Variants in AGBL1 observed in about 807,000 individuals in gnomAD.
The protein encoded by AGBL1 is AGBL carboxypeptidase 1, also known as cytosolic carboxypeptidase 4.
Under a neutral mutation model 118.9 loss-of-function variants are expected in AGBL1, and 130 were observed. The ratio of observed to expected loss-of-function variants is 1.09; its 90% CI spans 0.95 to 1.26. The LOEUF (loss-of-function observed/expected upper bound fraction) is 1.26. Among genes scored for constraint, AGBL1 ranks in the 50% most tolerant of loss-of-function variants. The pLI is 0.00. For missense variants in AGBL1, 1,584 were observed against 1,298.1 expected (o/e 1.22, Z -3.38); for synonymous variants, 555 against 478.9 (o/e 1.16, Z -2.08).
At chr15:86,406,067 G>T (rs532395880) in intron 18 of AGBL1, among the ~76,000 whole-genome samples, 228 of 152,294 alleles carry the variant, frequency 1.5e-3, no homozygotes, top group African/African-American at 5.3e-3. Flanking sequence ...GGAACCATTT[G>T]GTTCTTCCTG....
chr15:86,637,527 G>A (rs927558766), intron 21 of AGBL1, among the ~76,000 whole-genome samples: 22 of 152,252 alleles, frequency 1.4e-4, no homozygotes, highest in African/African-American at 5.3e-4. Flanking sequence ...ACTTAAAGGC[G>A]TGTTAATGAT....
chr15:86,842,107 C>T (rs954845355), intron 22 of AGBL1, among the ~76,000 whole-genome samples: 2 of 151,698 alleles, frequency 1.3e-5, no homozygotes, highest in East Asian at 3.9e-4. Context: ...AAAATACAAT[C>T]TAAATTCTTA....
intron 1 of AGBL1, among the ~76,000 whole-genome samples, chr15:86,098,495 T>G (rs753646056): frequency 6.6e-6 from 1 of 152,204 alleles, no homozygotes; most frequent in Non-Finnish European, 1.5e-5. Context: ...TTATACATGC[T>G]GAGAGATAGG....
intron 23 of AGBL1, among the ~76,000 whole-genome samples, chr15:86,985,922 CTT>C (rs57966049): frequency 6.7e-6 from 1 of 149,838 alleles, no homozygotes; most frequent in African/African-American, 2.5e-5. Context: ...GGATAGCAAT[CTT>C]TTTTTTTTTT....
chr15:86,780,489 A>G (rs934679862), intron 22 of AGBL1, among the ~76,000 whole-genome samples: 2 of 152,130 alleles, frequency 1.3e-5, no homozygotes, highest in East Asian at 1.9e-4. Flanking sequence ...GAATCAACTT[A>G]TAAACTCCCA....
Position 86,674,350 on chromosome 15 carries a change from A to G in AGBL1, c.3072A>G (p.Lys1024=), listed in dbSNP as rs757779311. 3.1e-6 allele frequency: 5 copies of G among 1,612,728 alleles called. No homozygotes were observed. Among genetic ancestry groups the G allele is most frequent in the Non-Finnish European group, 3.4e-6 (4 of 1,179,414 alleles). ...TGGGCCTCCTCATCCTGGAGCTCAA[A>G]TCTGCCAGCTGCAGCCATCAGCTCC... ...FCLGLLILEL[K]SASCSHQLLA... is the part of the protein sequence containing the mutation. Residue 1024 remains lysine, a synonymous_variant, in exon 22 of 23, where the codon AAA becomes AAG. Transcript: ENST00000614907.
At chr15:86,377,747 A>C (rs140618933) in intron 17 of AGBL1, among the ~76,000 whole-genome samples, 1 of 152,190 alleles carries the variant, frequency 6.6e-6, no homozygotes, top group East Asian at 1.9e-4. Context: ...CACTAGGTCC[A>C]GGAGCTAGAT....
chr15:86,636,715 A>ATATG (rs1279648023), intron 21 of AGBL1, among the ~76,000 whole-genome samples: 1 of 21,572 alleles, frequency 4.6e-5, no homozygotes, highest in East Asian at 5.1e-3. Flanking sequence ...ATATATATAT[A>ATATG]TATATATATA....
intron 18 of AGBL1, among the ~76,000 whole-genome samples, chr15:86,415,329 A>G (rs1207929556): frequency 4.6e-5 from 7 of 152,126 alleles, no homozygotes; most frequent in Non-Finnish European, 1.0e-4. Context: ...TGAGGAATGA[A>G]TTCCTTGGTC....
chr15:86,974,609 T>C (rs1200425701), intron 23 of AGBL1, among the ~76,000 whole-genome samples: 1 of 142,038 alleles, frequency 7.0e-6, no homozygotes, highest in Admixed American at 7.3e-5. Context: ...TTATATAATA[T>C]AAATTATATA....
At chr15:86,790,950 C>A (rs10520639) in intron 22 of AGBL1, among the ~76,000 whole-genome samples, 1 of 151,666 alleles carries the variant, frequency 6.6e-6, no homozygotes, top group African/African-American at 2.4e-5. Flanking sequence ...ACAAAATAAC[C>A]AAAATAATCC....
At chr15:86,420,011 G>C (rs762555194) in intron 18 of AGBL1, among the ~76,000 whole-genome samples, 2 of 152,176 alleles carry the variant, frequency 1.3e-5, no homozygotes, top group African/African-American at 2.4e-5. Context: ...CAGAGCACCT[G>C]GGGGAAGGGG....
intron 22 of AGBL1, among the ~76,000 whole-genome samples, chr15:86,745,667 A>G (rs1178667405): frequency 6.6e-6 from 1 of 152,108 alleles, no homozygotes; most frequent in Non-Finnish European, 1.5e-5. Context: ...ATCTGTGAAG[A>G]AACAGACCTA....
intron 17 of AGBL1, among the ~76,000 whole-genome samples, chr15:86,310,246 T>C (rs2079899808): frequency 6.6e-6 from 1 of 152,236 alleles, no homozygotes. Flanking sequence ...TTATGATCCT[T>C]TGTATTTCTG....
chr15:86,817,626 TACACACACACACACACACACAG>T (rs1182776490), intron 22 of AGBL1, among the ~76,000 whole-genome samples: 2 of 98,168 alleles, frequency 2.0e-5, no homozygotes, highest in African/African-American at 3.9e-5. Context: ...GAGACAGGCA[TACACACACACACACACACACAG>T]ACACACACAC....
chr15:86,638,040 G>GA (rs1441772214), intron 21 of AGBL1, among the ~76,000 whole-genome samples: 4 of 151,708 alleles, frequency 2.6e-5, no homozygotes, highest in African/African-American at 4.8e-5. Flanking sequence ...GGAAGAACAG[G>GA]AAAAAAAATC....
intron 21 of AGBL1, among the ~76,000 whole-genome samples, chr15:86,611,576 A>T (rs935031597): frequency 6.6e-6 from 1 of 152,186 alleles, no homozygotes. Flanking sequence ...AGATCCTACA[A>T]GGTGAATTGC....
intron 5 of AGBL1, among the ~76,000 whole-genome samples, chr15:86,164,001 G>T (rs1339511402): frequency 6.6e-6 from 1 of 152,224 alleles, no homozygotes; most frequent in Non-Finnish European, 1.5e-5. Flanking sequence ...TTCTGGGAGA[G>T]AACTCATTCT....
intron 17 of AGBL1, among the ~76,000 whole-genome samples, chr15:86,350,788 C>G (rs891946888): frequency 1.5e-4 from 23 of 152,184 alleles, no homozygotes; most frequent in Admixed American, 1.3e-4. Flanking sequence ...GAAGAATATT[C>G]CAAAGCCTCT....
Sources: allele counts gnomAD v4.1 joint callset (sites outside exome capture counted in the v4.1 genomes callset), GRCh38; gene constraint gnomAD v4.1.1; transcripts MANE v1.5; gene names NCBI Gene and HGNC (gene_info 2026-07-23, HGNC 2026-07-21).